Variants in RBFOX3 observed in about 807,000 individuals in gnomAD.
The protein encoded by RBFOX3 is RNA binding protein fox-1 homolog 3.
A neutral mutation model predicts 48.7 loss-of-function variants in RBFOX3; 17 were observed. That is an observed-to-expected ratio of 0.35 (90% CI 0.24 to 0.52). The LOEUF (loss-of-function observed/expected upper bound fraction) is 0.52, where lower values mean the gene tolerates loss of function less well. Among genes scored for constraint, RBFOX3 ranks in the 20% least tolerant of loss-of-function variants. The pLI, the probability that RBFOX3 is intolerant of heterozygous loss-of-function variation, is 0.94. For missense variants in RBFOX3, 382 were observed against 497.5 expected, an observed-to-expected ratio of 0.77 and a Z score of 2.21; for synonymous variants, 212 against 209.5, an observed-to-expected ratio of 1.01 and a Z score of -0.10.
the RBFOX3 span, among the ~76,000 whole-genome samples, chr17:79,623,257 C>CA: frequency 6.6e-6 from 1 of 152,126 alleles, no homozygotes; most frequent in Non-Finnish European, 1.5e-5. Flanking sequence ...CCAAAACTAC[C>CA]AAAAAACTGG....
chr17:79,664,652 C>T, the RBFOX3 span, among the ~76,000 whole-genome samples: 1 of 152,144 alleles, frequency 6.6e-6, no homozygotes, highest in Non-Finnish European at 1.5e-5. Context: ...CCGGCCTACT[C>T]TCACCATTTG....
chr17:79,216,149 C>T (rs936400701), intron 4 of RBFOX3, among the ~76,000 whole-genome samples: 5 of 152,232 alleles, frequency 3.3e-5, no homozygotes, highest in Admixed American at 2.0e-4. Context: ...GGGTTGGTGA[C>T]CTGGATATGT....
rs2082725281 is a variant in RBFOX3 at position 79,503,999 on chromosome 17, GCAGGGTGCTCCA to G, written c.-319-21413_-319-21402del. Among the ~76,000 whole-genome samples the G allele has an allele frequency of 5.9e-5, 4 of 68,010 alleles. No individual in the cohort carries two copies. In the South Asian group the frequency reaches 1.8e-3, roughly 30 times the overall value. 44.6% of individuals were successfully genotyped at this position (68,010 alleles called of 152,430 possible). A position where few individuals can be genotyped will look rare whatever the true frequency, so the allele number is the denominator to read the frequency against. On this transcript the variant is annotated intron_variant, in intron 1 of 14. Coordinates refer to ENST00000693108, the MANE Select transcript of RBFOX3 (RefSeq NM_001350451.2). ...AATGGGAAGGTGGGTGGGCGGGGTG[GCAGGGTGCTCCA>G]GGTGGCAGGGTGCTCCAGGTGGCAG... is the stretch of plus-strand genomic sequence containing the variant.
At chr17:79,147,515 G>A (rs766667339) in intron 4 of RBFOX3, among the ~76,000 whole-genome samples, 1 of 152,222 alleles carries the variant, frequency 6.6e-6, no homozygotes, top group Non-Finnish European at 1.5e-5. Flanking sequence ...TGCCCTGAGA[G>A]GCAGGCCCTG....
At chr17:79,237,801 C>T (rs1340847911) in intron 3 of RBFOX3, among the ~76,000 whole-genome samples, 1 of 152,218 alleles carries the variant, frequency 6.6e-6, no homozygotes, top group Non-Finnish European at 1.5e-5. Flanking sequence ...GCCCGTGGAG[C>T]CATCTCCACA....
chr17:79,662,632 G>T, the RBFOX3 span, among the ~76,000 whole-genome samples: 1 of 152,118 alleles, frequency 6.6e-6, no homozygotes, highest in African/African-American at 2.4e-5. Context: ...TCTTTTTACT[G>T]TCTGTTGGTG....
intron 2 of RBFOX3, among the ~76,000 whole-genome samples, chr17:79,379,874 A>G (rs1477243992): frequency 1.3e-5 from 2 of 152,080 alleles, no homozygotes; most frequent in Non-Finnish European, 1.5e-5. Context: ...AGAAGCACAG[A>G]GCGGCTCTCA....
intron 2 of RBFOX3, among the ~76,000 whole-genome samples, chr17:79,310,240 T>G (rs1157837808): frequency 6.6e-6 from 1 of 152,150 alleles, no homozygotes; most frequent in Non-Finnish European, 1.5e-5. Context: ...CAAAGTTGTT[T>G]AAAATCCCTT....
At chr17:79,626,708 C>A in the RBFOX3 span, among the ~76,000 whole-genome samples, 5 of 152,208 alleles carry the variant, frequency 3.3e-5, no homozygotes, top group African/African-American at 1.2e-4. Context: ...AGGGGGCATC[C>A]CCCCATCTCT....
intron 2 of RBFOX3, among the ~76,000 whole-genome samples, chr17:79,352,149 C>T (rs993194897): frequency 2.0e-5 from 3 of 152,294 alleles, no homozygotes; most frequent in African/African-American, 7.2e-5. Context: ...TGTGTCCCCA[C>T]CCAAATCTCA....
chr17:79,445,254 A>G (rs782797980), intron 2 of RBFOX3, among the ~76,000 whole-genome samples: 7 of 152,100 alleles, frequency 4.6e-5, no homozygotes, highest in Non-Finnish European at 8.8e-5. Flanking sequence ...CATTTCTCTT[A>G]TGTATATTAG....
At chr17:79,576,685 AGAT>A (rs2092873477) in intron 1 of RBFOX3, among the ~76,000 whole-genome samples, 1 of 151,666 alleles carries the variant, frequency 6.6e-6, no homozygotes, top group Non-Finnish European at 1.5e-5. Flanking sequence ...GAGAAGGCGG[AGAT>A]GATGAAGAAG....
intron 4 of RBFOX3, among the ~76,000 whole-genome samples, chr17:79,171,886 C>T (rs1419083826): frequency 6.7e-6 from 1 of 149,894 alleles, no homozygotes; most frequent in Non-Finnish European, 1.5e-5. Flanking sequence ...AATTACCAAC[C>T]TTTGGCTGGG....
intron 2 of RBFOX3, among the ~76,000 whole-genome samples, chr17:79,438,539 C>T (rs2070093444): frequency 6.6e-6 from 1 of 152,240 alleles, no homozygotes; most frequent in Non-Finnish European, 1.5e-5. Context: ...TTCGCCCTCA[C>T]GATAGCGGGG....
At chr17:79,608,293 C>T (rs1041530165) in intron 1 of RBFOX3, among the ~76,000 whole-genome samples, 17 of 152,334 alleles carry the variant, frequency 1.1e-4, no homozygotes, top group African/African-American at 4.1e-4. Flanking sequence ...TCACTGGGTG[C>T]GGAGCATTTG....
chr17:79,246,754 G>A (rs895447793), intron 3 of RBFOX3, among the ~76,000 whole-genome samples: 2 of 152,178 alleles, frequency 1.3e-5, no homozygotes, highest in Admixed American at 1.3e-4. Flanking sequence ...CCACCTCTCT[G>A]CAGAGAGGGA....
the RBFOX3 span, among the ~76,000 whole-genome samples, chr17:79,643,222 T>A: frequency 6.6e-6 from 1 of 151,946 alleles, no homozygotes; most frequent in African/African-American, 2.4e-5. Context: ...AAATAAAGAG[T>A]AACATCACGT....
At chr17:79,450,099 CAT>C (rs1410953212) in intron 2 of RBFOX3, among the ~76,000 whole-genome samples, 3 of 152,194 alleles carry the variant, frequency 2.0e-5, no homozygotes, top group Non-Finnish European at 4.4e-5. Flanking sequence ...CACACACACA[CAT>C]GCACACGCAT....
At chr17:79,389,304 C>T (rs2061016569) in intron 2 of RBFOX3, among the ~76,000 whole-genome samples, 1 of 152,084 alleles carries the variant, frequency 6.6e-6, no homozygotes, top group Non-Finnish European at 1.5e-5. Context: ...GTCTGGGGAC[C>T]CCTAGAATGA....
Sources: allele counts gnomAD v4.1 joint callset (sites outside exome capture counted in the v4.1 genomes callset), GRCh38; gene constraint gnomAD v4.1.1; transcripts MANE v1.5; gene names NCBI Gene and HGNC (gene_info 2026-07-23, HGNC 2026-07-21).